The following ASCC1 variants were observed in gnomAD, a reference collection of about 807,000 sequenced individuals.
The protein encoded by ASCC1 is ASC-1 complex subunit P50.
ASCC1 carries 35 observed loss-of-function variants against 46.6 expected under a neutral mutation model. The observed-to-expected ratio is 0.75, with a 90% CI of 0.57 to 0.99. ASCC1 has a LOEUF of 0.99. Among genes scored for constraint, ASCC1 ranks in the 50% least tolerant of loss-of-function variants. The pLI is 0.00. For synonymous variants in ASCC1, 143 were observed against 146.6 expected, an observed-to-expected ratio of 0.98 and a Z score of 0.18; for missense variants, 376 against 428.7, an observed-to-expected ratio of 0.88 and a Z score of 1.09.
intron 1 of ASCC1, among the ~76,000 whole-genome samples, chr10:72,214,081 G>C (rs546986598): frequency 6.6e-6 from 1 of 151,476 alleles, no homozygotes; most frequent in East Asian, 2.0e-4. Context: ...GGCCAGGCAT[G>C]GTGGCTTACA....
At chr10:72,147,344 C>T (rs543946141) in intron 7 of ASCC1, among the ~76,000 whole-genome samples, 115 of 152,184 alleles carry the variant, frequency 7.6e-4, no homozygotes, top group African/African-American at 2.7e-3. Context: ...ACCTCTGCCT[C>T]CAGGGTTCAA....
chr10:72,144,284 CTTTAAG>C (rs1263931945), intron 7 of ASCC1, among the ~76,000 whole-genome samples: 2 of 152,252 alleles, frequency 1.3e-5, no homozygotes, highest in South Asian at 2.1e-4. Flanking sequence ...TGCATTTTTT[CTTTAAG>C]TTTATCATGT....
At chr10:72,117,167 T>C (rs1302298059) in intron 9 of ASCC1, among the ~76,000 whole-genome samples, 2 of 152,234 alleles carry the variant, frequency 1.3e-5, no homozygotes, top group Non-Finnish European at 2.9e-5. Context: ...GTAAGCATAG[T>C]TGTTTTTAGT....
At chr10:72,180,006 G>A (rs1333700827) in intron 5 of ASCC1, among the ~76,000 whole-genome samples, 1 of 152,188 alleles carries the variant, frequency 6.6e-6, no homozygotes, top group Non-Finnish European at 1.5e-5. Flanking sequence ...GCCGGGTACG[G>A]TGGCTCACAC....
intron 9 of ASCC1, among the ~76,000 whole-genome samples, chr10:72,112,036 T>C (rs1168570504): frequency 6.6e-6 from 1 of 152,202 alleles, no homozygotes; most frequent in Non-Finnish European, 1.5e-5. Context: ...CTCTAACATT[T>C]GGAATAACAC....
At chr10:72,168,677 A>T (rs1046806004) in intron 5 of ASCC1, among the ~76,000 whole-genome samples, 1 of 152,236 alleles carries the variant, frequency 6.6e-6, no homozygotes, top group African/African-American at 2.4e-5. Context: ...AAACAAGGCC[A>T]TAAGGGTGGG....
chr10:72,116,518 A>C (rs1300752264), intron 9 of ASCC1, among the ~76,000 whole-genome samples: 1 of 152,190 alleles, frequency 6.6e-6, no homozygotes, highest in East Asian at 1.9e-4. Flanking sequence ...CTGAGGTTCC[A>C]ATTAAATATA....
intron 5 of ASCC1, among the ~76,000 whole-genome samples, chr10:72,190,849 C>T (rs559560267): frequency 1.1e-4 from 17 of 151,060 alleles, no homozygotes; most frequent in African/African-American, 3.1e-4. Flanking sequence ...TATAAAAATT[C>T]GCTGGGCGTG....
intron 6 of ASCC1, among the ~76,000 whole-genome samples, chr10:72,158,403 A>T (rs1392336415): frequency 1.3e-5 from 2 of 152,172 alleles, no homozygotes; most frequent in African/African-American, 4.8e-5. Flanking sequence ...ACTGAAGAAG[A>T]GCTGCACATT....
intron 9 of ASCC1, among the ~76,000 whole-genome samples, chr10:72,099,128 G>GCT (rs141616258): frequency 0.011 from 1,730 of 152,298 alleles, 22 homozygotes; most frequent in African/African-American, 0.039. Context: ...GCCTGTGAGT[G>GCT]CTACCTTCTT....
chr10:72,121,827 A>G (rs947499860), intron 9 of ASCC1, among the ~76,000 whole-genome samples: 4 of 152,212 alleles, frequency 2.6e-5, no homozygotes, highest in African/African-American at 7.2e-5. Context: ...CATGTATCAG[A>G]AATGGACAGA....
intron 6 of ASCC1, 119 bp from the exon 7 acceptor site, chr10:72,153,107 C>T: frequency 7.5e-7 from 1 of 1,334,396 alleles, no homozygotes; most frequent in Middle Eastern, 1.9e-4. Flanking sequence ...TGTACAAAAA[C>T]ATGGTAGTTG....
intron 1 of ASCC1, 163 bp downstream of exon 1, chr10:72,216,044 G>C (rs567091431): frequency 6.6e-6 from 1 of 152,494 alleles, no homozygotes; most frequent in South Asian, 2.1e-4. Flanking sequence ...CGTCTGTTGG[G>C]GGGCGAACAC....
intron 9 of ASCC1, among the ~76,000 whole-genome samples, chr10:72,119,365 G>A (rs1455224682): frequency 6.6e-6 from 1 of 152,110 alleles, no homozygotes; most frequent in Non-Finnish European, 1.5e-5. Flanking sequence ...ATACCTAGGG[G>A]AAGGATGATA....
At chr10:72,155,256 A>G (rs1411502868) in intron 6 of ASCC1, among the ~76,000 whole-genome samples, 1 of 152,224 alleles carries the variant, frequency 6.6e-6, no homozygotes, top group Non-Finnish European at 1.5e-5. Flanking sequence ...ATGTAAATGT[A>G]TTATCCATTA....
At chr10:72,211,576 T>TA (rs200844348) in intron 2 of ASCC1, among the ~76,000 whole-genome samples, 5 of 148,376 alleles carry the variant, frequency 3.4e-5, no homozygotes, top group Admixed American at 1.3e-4. Flanking sequence ...GCTTGTCTCT[T>TA]AAAAAAAAAA....
At chr10:72,111,358 C>T (rs1324338792) in intron 9 of ASCC1, among the ~76,000 whole-genome samples, 2 of 151,962 alleles carry the variant, frequency 1.3e-5, no homozygotes, top group African/African-American at 4.8e-5. Context: ...TGGCAGCACA[C>T]GCCTGTAGTC....
chr10:72,147,295 C>A (rs978201134), intron 7 of ASCC1, among the ~76,000 whole-genome samples: 3 of 151,842 alleles, frequency 2.0e-5, no homozygotes, highest in Non-Finnish European at 4.4e-5. Context: ...GTTCTGTTAC[C>A]CAGGCTAGAG....
At chr10:72,139,766 TC>T (rs1846741836) in intron 7 of ASCC1, among the ~76,000 whole-genome samples, 1 of 152,202 alleles carries the variant, frequency 6.6e-6, no homozygotes, top group South Asian at 2.1e-4. Flanking sequence ...GTTTGGGCTT[TC>T]CCTCCCAATT....
Sources: gnomAD v4.1 joint callset for allele counts (sites outside exome capture counted in the v4.1 genomes callset) on GRCh38, gnomAD v4.1.1 for gene constraint, MANE v1.5 for transcripts, NCBI Gene and HGNC (gene_info 2026-07-23, HGNC 2026-07-21) for gene names.